The following MAP2K5 variants were observed in gnomAD, a reference collection of about 807,000 sequenced individuals.
The protein encoded by MAP2K5 is dual specificity mitogen-activated protein kinase kinase 5.
MAP2K5 carries 49 observed loss-of-function variants against 83.1 expected under a neutral mutation model. That is an observed-to-expected ratio of 0.59 (90% CI 0.47 to 0.75). The LOEUF (loss-of-function observed/expected upper bound fraction) is 0.75, where lower values mean the gene tolerates loss of function less well. MAP2K5 is among the 30% of genes least tolerant of loss of function. The pLI is 0.00. For missense variants in MAP2K5, 457 were observed against 557.5 expected (o/e 0.82, Z 1.82); for synonymous variants, 202 against 191.8 (o/e 1.05, Z -0.44).
intron 17 of MAP2K5, among the ~76,000 whole-genome samples, chr15:67,743,199 T>G (rs1176984077): frequency 6.6e-6 from 1 of 152,228 alleles, no homozygotes; most frequent in Admixed American, 6.5e-5. Flanking sequence ...AGCTGGAGTC[T>G]GAGATTTGCG....
chr15:67,575,791 A>G (rs1051027160), intron 3 of MAP2K5, among the ~76,000 whole-genome samples: 16 of 152,068 alleles, frequency 1.1e-4, no homozygotes, highest in African/African-American at 3.9e-4. Flanking sequence ...GAATAAATGT[A>G]GATATGTAGT....
rs144127068 is a variant in MAP2K5 at position 67,630,521 on chromosome 15, T to A, written c.546-367T>A. Among the ~76,000 whole-genome samples the A allele has an allele frequency of 1.6e-3, 241 of 152,266 alleles. 3 individuals are homozygous for A. Among genetic ancestry groups the A allele is most frequent in the South Asian group, 0.011 (51 of 4,822 alleles). Reference sequence around the variant, plus strand: ...AACATAGAGCTATAGAGAACCCACATGCACAGTGACAGTCATAAGGGATCT... The same window carrying A: ...AACATAGAGCTATAGAGAACCCACAAGCACAGTGACAGTCATAAGGGATCT... On this transcript the variant is annotated intron_variant, in intron 8 of 21. Transcript: ENST00000178640.
At chr15:67,655,984 G>A (rs939282501) in intron 11 of MAP2K5, among the ~76,000 whole-genome samples, 9 of 151,880 alleles carry the variant, frequency 5.9e-5, no homozygotes, top group Non-Finnish European at 1.3e-4. Flanking sequence ...TTCTTCTGCT[G>A]TCTCAAATAT....
chr15:67,629,874 T>G (rs1197670708), intron 8 of MAP2K5, among the ~76,000 whole-genome samples: 1 of 152,238 alleles, frequency 6.6e-6, no homozygotes, highest in Non-Finnish European at 1.5e-5. Context: ...TGTATAAAAA[T>G]GTGTTGCAGA....
intron 1 of MAP2K5, chr15:67,548,966 A>G (rs1395515237): frequency 7.4e-7 from 1 of 1,356,850 alleles, no homozygotes; most frequent in African/African-American, 1.5e-5. Context: ...TTGCCACTGC[A>G]GCAAAAGCTT....
intron 13 of MAP2K5, among the ~76,000 whole-genome samples, chr15:67,667,827 A>G (rs988396448): frequency 1.8e-4 from 28 of 152,286 alleles, no homozygotes; most frequent in African/African-American, 6.5e-4. Flanking sequence ...AATAAGTAGT[A>G]TATTACAGAA....
At chr15:67,544,186 C>T (rs1383267352) in intron 1 of MAP2K5, among the ~76,000 whole-genome samples, 2 of 152,160 alleles carry the variant, frequency 1.3e-5, no homozygotes, top group Non-Finnish European at 2.9e-5. Context: ...AGTTACTGTG[C>T]CCAGCCTGAG....
Position 67,806,710 on chromosome 15 carries a change from G to T in MAP2K5, c.1307G>T (p.Arg436Leu), listed in dbSNP as rs1246372955. The change falls in exon 22 of 22, where the codon CGG becomes CTG. Residue 436 changes from arginine to leucine, a missense_variant. Arg to Leu is a moderately radical substitution (Grantham distance 102). Transcript: ENST00000178640. ...GCCGTGGTGTCCATGTGGGTGTGCC[G>T]GGCGCTGGAGGAGAGGCGGAGCCAG... The part of the protein sequence containing the change: ...NAAVVSMWVC[R>L]ALEERRSQQG... 5.8e-6 allele frequency: 9 copies of T among 1,551,902 alleles called. No individual in the cohort carries two copies. Among genetic ancestry groups the T allele is most frequent in the Non-Finnish European group, 7.8e-6 (9 of 1,148,064 alleles).
At chr15:67,739,654 T>C (rs2089449186) in intron 17 of MAP2K5, among the ~76,000 whole-genome samples, 1 of 151,094 alleles carries the variant, frequency 6.6e-6, no homozygotes, top group Non-Finnish European at 1.5e-5. Flanking sequence ...CTAATTTTTG[T>C]ATTTTTAGTA....
chr15:67,589,985 A>C (rs138135614), intron 6 of MAP2K5, among the ~76,000 whole-genome samples: 3 of 152,290 alleles, frequency 2.0e-5, no homozygotes, highest in East Asian at 1.9e-4. Flanking sequence ...CACTTGATAA[A>C]TAGCAGCTGC....
At chr15:67,713,160 T>C (rs2088738289) in intron 16 of MAP2K5, among the ~76,000 whole-genome samples, 1 of 152,134 alleles carries the variant, frequency 6.6e-6, no homozygotes, top group Admixed American at 6.5e-5. Context: ...AAATGACATA[T>C]GGCAGTGTTT....
rs5813456 is a variant in MAP2K5, at chr15:67,786,018, GT to G, written c.1242+13279del. 0.14 allele frequency among the ~76,000 whole-genome samples: 21,015 copies of G among 146,760 alleles called. 1,500 individuals carry two copies. Among genetic ancestry groups the G allele is most frequent in the East Asian group, 0.16 (808 of 5,048 alleles). ...ACAGGGGGCTTTTAGCTGTTAGGTT[GT>G]TTTTTTTTTTTTAACTTACAGAAGA... On this transcript the variant is annotated intron_variant, in intron 21 of 21. Transcript: ENST00000178640. The surrounding 1 kb of genome is among the most constrained non-coding windows in gnomAD (Gnocchi z 4.7).
intron 17 of MAP2K5, among the ~76,000 whole-genome samples, chr15:67,739,208 A>T (rs1400400074): frequency 1.3e-5 from 2 of 148,702 alleles, no homozygotes; most frequent in Non-Finnish European, 3.0e-5. Flanking sequence ...TGTGCCCAGG[A>T]GGTCCAGTCT....
intron 6 of MAP2K5, 40 bp downstream of exon 6, chr15:67,586,953 A>T: frequency 6.2e-7 from 1 of 1,605,468 alleles, no homozygotes; most frequent in South Asian, 1.1e-5. Context: ...GATGTGATTT[A>T]TCTACAGAGT....
At chr15:67,692,623 G>C in intron 14 of MAP2K5, 71 bp downstream of exon 14, 1 of 1,229,452 alleles carries the variant, frequency 8.1e-7, no homozygotes. Context: ...TCTGTTCTCT[G>C]GATTGAAAAA....
chr15:67,680,331 T>A (rs547783916), intron 13 of MAP2K5, among the ~76,000 whole-genome samples: 15 of 152,214 alleles, frequency 9.9e-5, no homozygotes, highest in Admixed American at 2.6e-4. Context: ...CTTGAGTAAA[T>A]ACCTAGGAGT....
chr15:67,670,349 C>T (rs1315726202), intron 13 of MAP2K5: 5 of 452,856 alleles, frequency 1.1e-5, no homozygotes, highest in Non-Finnish European at 2.2e-5. Context: ...CATGAAGGAA[C>T]ATTTTGGTAT....
At chr15:67,633,706 A>G (rs967878037) in intron 9 of MAP2K5, among the ~76,000 whole-genome samples, 12 of 152,376 alleles carry the variant, frequency 7.9e-5, no homozygotes, top group African/African-American at 2.9e-4. Flanking sequence ...TCTATAAAAT[A>G]TAGTAGATAC....
At chr15:67,805,225 G>A (rs902615542) in intron 21 of MAP2K5, among the ~76,000 whole-genome samples, 1 of 152,240 alleles carries the variant, frequency 6.6e-6, no homozygotes, top group Non-Finnish European at 1.5e-5. Flanking sequence ...GACCCACGCA[G>A]GGTGTCCCCA....
Sources: allele counts gnomAD v4.1 joint callset (sites outside exome capture counted in the v4.1 genomes callset), GRCh38; gene constraint gnomAD v4.1.1; non-coding constraint Gnocchi (gnomAD v3.1); transcripts MANE v1.5; gene names NCBI Gene and HGNC (gene_info 2026-07-23, HGNC 2026-07-21).